Variants in DIAPH2 observed in about 807,000 individuals in gnomAD.
DIAPH2 encodes the protein diaphanous related formin 2, also known as protein diaphanous homolog 2.
DIAPH2 carries 35 observed loss-of-function variants against 92.7 expected under a neutral mutation model. That is an observed-to-expected ratio of 0.38 (90% CI 0.29 to 0.50). The LOEUF is 0.50. DIAPH2 is among the 20% of genes least tolerant of loss of function. The probability of loss-of-function intolerance (pLI) is 0.94; values close to 1 mark genes in which losing one functional copy is unlikely to be tolerated. For missense variants in DIAPH2, 701 were observed against 819.5 expected (o/e 0.86, Z 1.77); for synonymous variants, 301 against 280.4 (o/e 1.07, Z -0.73).
At chrX:97,253,391 A>AC (rs1314304729) in intron 23 of DIAPH2, among the ~76,000 whole-genome samples, 1 of 111,358 alleles carries the variant, frequency 9.0e-6, no homozygotes, top group African/African-American at 3.3e-5. Context: ...TGACAATGGT[A>AC]CTGGTCAATG....
At chrX:97,099,568 C>A in intron 19 of DIAPH2, 126 bp from the exon 20 acceptor site, 1 of 393,498 alleles carries the variant, frequency 2.5e-6, no homozygotes, top group South Asian at 7.6e-5. Flanking sequence ...GGCGGATACT[C>A]TGGTACCATA....
chrX:97,386,352 A>C (rs933608827), intron 25 of DIAPH2, among the ~76,000 whole-genome samples: 6 of 112,055 alleles, frequency 5.4e-5, no homozygotes, highest in Admixed American at 3.8e-4. Flanking sequence ...GTTATCATTG[A>C]AAAGGTGAAG....
chrX:96,930,132 G>T (rs1337390769), intron 9 of DIAPH2, among the ~76,000 whole-genome samples: 2 of 110,586 alleles, frequency 1.8e-5, no homozygotes, highest in Non-Finnish European at 3.8e-5. Flanking sequence ...TAGTCTCCCA[G>T]TGCCTTCTAA....
At chrX:97,306,623 C>T (rs73550344) in intron 23 of DIAPH2, among the ~76,000 whole-genome samples, 253 of 111,538 alleles carry the variant, frequency 2.3e-3, no homozygotes, top group African/African-American at 7.8e-3. Context: ...CCTTGCAATC[C>T]GTTTATCATT....
At chrX:97,227,810 AG>A (rs2067977016) in intron 22 of DIAPH2, among the ~76,000 whole-genome samples, 1 of 112,381 alleles carries the variant, frequency 8.9e-6, no homozygotes, top group Admixed American at 9.4e-5. Context: ...AGTTAATATA[AG>A]GCATGATTAT....
At chrX:97,283,679 A>G (rs2068516906) in intron 23 of DIAPH2, among the ~76,000 whole-genome samples, 1 of 112,937 alleles carries the variant, frequency 8.9e-6, no homozygotes, top group Admixed American at 9.4e-5. Context: ...ACGGTGGCTC[A>G]CGCCTGTAAT....
At chrX:97,002,013 TA>T (rs1187010097) in intron 17 of DIAPH2, among the ~76,000 whole-genome samples, 1 of 108,892 alleles carries the variant, frequency 9.2e-6, no homozygotes, top group Non-Finnish European at 1.9e-5. Flanking sequence ...CTTTTCTGTT[TA>T]AAAAAAAAGG....
intron 17 of DIAPH2, among the ~76,000 whole-genome samples, chrX:97,003,270 C>A (rs1181022361): frequency 8.9e-6 from 1 of 111,863 alleles, no homozygotes; most frequent in Non-Finnish European, 1.9e-5. Context: ...CATAGGAGTG[C>A]AGATATCTCT....
At chrX:96,840,612 T>A (rs779963369) in intron 4 of DIAPH2, among the ~76,000 whole-genome samples, 8 of 110,788 alleles carry the variant, frequency 7.2e-5, no homozygotes, top group South Asian at 3.9e-4. Context: ...GGGATTTTTT[T>A]TTATTATTAT....
chrX:96,758,887 G>A, intron 4 of DIAPH2, among the ~76,000 whole-genome samples: 1 of 110,659 alleles, frequency 9.0e-6, no homozygotes, highest in African/African-American at 3.3e-5. Context: ...GTGTGTTTTA[G>A]TGGAGTATTT....
chrX:97,181,705 C>G (rs537019821), intron 22 of DIAPH2, among the ~76,000 whole-genome samples: 1 of 112,560 alleles, frequency 8.9e-6, no homozygotes, highest in Non-Finnish European at 1.9e-5. Flanking sequence ...CCACCACGCC[C>G]GGCCTAGAGT....
chrX:97,409,747 G>T (rs780460107), intron 25 of DIAPH2, among the ~76,000 whole-genome samples: 1 of 112,321 alleles, frequency 8.9e-6, no homozygotes, highest in Admixed American at 9.4e-5. Flanking sequence ...CGGGCCCCAC[G>T]CTCACGGAGC....
In DIAPH2 at chrX:96,965,034, T is replaced by C. The variant is rs188494970; in HGVS notation, c.1936-59T>C. 1.6e-5 allele frequency: 18 copies of C among 1,093,552 alleles called. No individual in the cohort carries two copies. In the Admixed American group the frequency reaches 4.9e-4, roughly 30 times the overall value. The allele number at this position is 1,093,552 out of a possible 1,213,427, so 90.1% of individuals were successfully genotyped here. On this transcript the variant is annotated intron_variant, in intron 16 of 26. Transcript: ENST00000324765. ...TTCAACCTTGCTGAAAGTTAGTTCC[T>C]TGAAAATTTAAATATGAGGTTATAA...
chrX:97,040,571 G>A (rs1472000997), intron 17 of DIAPH2, among the ~76,000 whole-genome samples: 2 of 110,515 alleles, frequency 1.8e-5, no homozygotes, highest in Admixed American at 9.7e-5. Flanking sequence ...ATATGTTGCT[G>A]GAGGCGCTTT....
At chrX:97,138,249 A>C (rs1362888000) in intron 21 of DIAPH2, among the ~76,000 whole-genome samples, 1 of 112,000 alleles carries the variant, frequency 8.9e-6, no homozygotes, top group Admixed American at 9.5e-5. Context: ...GGAATAAAGA[A>C]ATTTCTTATG....
rs1010626899 is a variant in DIAPH2 at position 97,389,604 on chromosome X, G to A, written c.3145+5560G>A. Among the ~76,000 whole-genome samples the A allele has an allele frequency of 3.6e-5, 4 of 110,819 alleles. No individual in the cohort carries two copies. The Admixed American group carries it at 3.9e-4, about 11-fold the overall frequency. The stretch of plus-strand genomic sequence containing the variant: ...TTCTCCTAAAAATGTGTCTATAACA[G>A]ACAAAGAAAGAAGGGCTTATTTTGA... On this transcript the variant is annotated intron_variant, in intron 25 of 26. Coordinates refer to ENST00000324765, the MANE Select transcript of DIAPH2 (RefSeq NM_006729.5).
chrX:97,035,206 G>A (rs778690915), intron 17 of DIAPH2, among the ~76,000 whole-genome samples: 4 of 111,409 alleles, frequency 3.6e-5, no homozygotes, highest in East Asian at 2.8e-4. Context: ...AAGAGATTAC[G>A]TGTACAGGGG....
intron 19 of DIAPH2, among the ~76,000 whole-genome samples, chrX:97,097,787 AT>A (rs1268470222): frequency 4.5e-5 from 5 of 112,213 alleles, no homozygotes; most frequent in South Asian, 3.7e-4. Context: ...ACAAAAAAAA[AT>A]CAATAGAAAC....
At chrX:97,559,856 A>G (rs1488887734) in intron 26 of DIAPH2, among the ~76,000 whole-genome samples, 2 of 112,131 alleles carry the variant, frequency 1.8e-5, no homozygotes, top group East Asian at 5.6e-4. Flanking sequence ...CTGACCTACC[A>G]GAAATTGGGA....
Sources: allele counts gnomAD v4.1 joint callset (sites outside exome capture counted in the v4.1 genomes callset), GRCh38; gene constraint gnomAD v4.1.1; transcripts MANE v1.5; gene names NCBI Gene and HGNC (gene_info 2026-07-23, HGNC 2026-07-21).